SCHIP1: variants seen among roughly 807,000 people sequenced by gnomAD.
SCHIP1 encodes schwannomin-interacting protein 1.
In SCHIP1, 8 loss-of-function variants were observed where a neutral mutation model predicts 29.7. That is an observed-to-expected ratio of 0.27 (90% CI 0.16 to 0.49). The LOEUF is 0.49. Among genes scored for constraint, SCHIP1 ranks in the 20% least tolerant of loss-of-function variants. The probability of loss-of-function intolerance (pLI) is 0.99; values close to 1 mark genes in which losing one functional copy is unlikely to be tolerated. For synonymous variants in SCHIP1, 76 were observed against 94.9 expected (o/e 0.80, Z 1.16); for missense variants, 193 against 294.6 (o/e 0.66, Z 2.52).
chr3:159,828,381 A>ATATATATATG, the SCHIP1 span, among the ~76,000 whole-genome samples: 1 of 79,932 alleles, frequency 1.3e-5, no homozygotes, highest in African/African-American at 4.1e-5. Context: ...ATATACATAT[A>ATATATATATG]TATATACATA....
chr3:159,539,942 G>A, the SCHIP1 span, among the ~76,000 whole-genome samples: 2 of 152,006 alleles, frequency 1.3e-5, no homozygotes, highest in African/African-American at 2.4e-5. Flanking sequence ...AGAGACATGA[G>A]AATTTCTTTA....
the SCHIP1 span, among the ~76,000 whole-genome samples, chr3:159,337,280 C>G: frequency 6.6e-6 from 1 of 152,070 alleles, no homozygotes; most frequent in Non-Finnish European, 1.5e-5. Context: ...CCTTTGAAAA[C>G]TGGCACAAGA....
chr3:159,312,565 A>T, the SCHIP1 span, among the ~76,000 whole-genome samples: 1 of 152,134 alleles, frequency 6.6e-6, no homozygotes, highest in African/African-American at 2.4e-5. Flanking sequence ...CCATGTTCTG[A>T]CTGTCTACTC....
the SCHIP1 span, among the ~76,000 whole-genome samples, chr3:159,796,788 G>C: frequency 1.3e-5 from 2 of 152,152 alleles, no homozygotes; most frequent in Non-Finnish European, 2.9e-5. Flanking sequence ...CCCTTGGAGA[G>C]TATCAAGGCA....
At chr3:159,823,161 G>A in the SCHIP1 span, among the ~76,000 whole-genome samples, 4 of 152,148 alleles carry the variant, frequency 2.6e-5, no homozygotes, top group African/African-American at 9.7e-5. Flanking sequence ...ATTGGAGTAA[G>A]AAGTACCTTG....
chr3:159,615,178 C>G, the SCHIP1 span, among the ~76,000 whole-genome samples: 8 of 152,134 alleles, frequency 5.3e-5, no homozygotes, highest in Admixed American at 3.9e-4. Context: ...TATCTAGACC[C>G]AAAACCACAG....
the SCHIP1 span, among the ~76,000 whole-genome samples, chr3:159,767,209 A>T: frequency 1.3e-5 from 2 of 152,258 alleles, no homozygotes; most frequent in Non-Finnish European, 2.9e-5. Flanking sequence ...TTTTTCAAAC[A>T]GTAAGTTTCC....
At chr3:159,744,401 C>A in the SCHIP1 span, among the ~76,000 whole-genome samples, 17 of 152,322 alleles carry the variant, frequency 1.1e-4, no homozygotes, top group East Asian at 3.3e-3. Context: ...CAGACAGAAT[C>A]AATCTCTTTC....
chr3:159,843,158 G>A (rs1467469556), intron 1 of SCHIP1, among the ~76,000 whole-genome samples: 3 of 150,600 alleles, frequency 2.0e-5, no homozygotes, highest in South Asian at 4.3e-4. Context: ...GATTACAGGC[G>A]CCCGCCACCA....
the SCHIP1 span, among the ~76,000 whole-genome samples, chr3:159,361,536 G>C: frequency 6.6e-6 from 1 of 152,206 alleles, no homozygotes; most frequent in Admixed American, 6.5e-5. Context: ...CTCTTGCTCT[G>C]AGGGAAATTG....
the SCHIP1 span, among the ~76,000 whole-genome samples, chr3:159,374,226 A>G: frequency 6.6e-6 from 1 of 152,272 alleles, no homozygotes; most frequent in East Asian, 1.9e-4. Flanking sequence ...AAGTATTTAG[A>G]CATAGGGTAG....
At chr3:159,658,897 G>A in the SCHIP1 span, among the ~76,000 whole-genome samples, 15 of 152,032 alleles carry the variant, frequency 9.9e-5, no homozygotes, top group African/African-American at 2.9e-4. Context: ...CAAAAACCTC[G>A]GAGTCATTCT....
At chr3:159,587,499 T>G in the SCHIP1 span, among the ~76,000 whole-genome samples, 12 of 152,226 alleles carry the variant, frequency 7.9e-5, no homozygotes, top group Admixed American at 7.2e-4. Flanking sequence ...CTTTAAGTTC[T>G]AGGGTACACG....
At chr3:159,483,952 T>TA in the SCHIP1 span, among the ~76,000 whole-genome samples, 13 of 152,210 alleles carry the variant, frequency 8.5e-5, no homozygotes, top group African/African-American at 3.1e-4. Flanking sequence ...GTAGTGAATT[T>TA]AAAAAAACAA....
At chr3:159,512,152 G>GAGGGAAAGAAGGAA in the SCHIP1 span, among the ~76,000 whole-genome samples, 1 of 152,142 alleles carries the variant, frequency 6.6e-6, no homozygotes, top group Non-Finnish European at 1.5e-5. Context: ...GGGAGACAGA[G>GAGGGAAAGAAGGAA]AGGGAAAGAA....
chr3:159,627,376 A>T, the SCHIP1 span, among the ~76,000 whole-genome samples: 1 of 152,358 alleles, frequency 6.6e-6, no homozygotes, highest in South Asian at 2.1e-4. Flanking sequence ...CCAGGCAGAG[A>T]AAAGACAGGA....
chr3:159,650,117 G>A, the SCHIP1 span, among the ~76,000 whole-genome samples: 3 of 152,146 alleles, frequency 2.0e-5, no homozygotes, highest in African/African-American at 7.2e-5. Flanking sequence ...AAGGGACTTT[G>A]AGAGATCATC....
At chr3:159,568,950 T>A in the SCHIP1 span, among the ~76,000 whole-genome samples, 1 of 152,200 alleles carries the variant, frequency 6.6e-6, no homozygotes, top group Non-Finnish European at 1.5e-5. Context: ...GACTTTATTA[T>A]GGAGGTAGAG....
the SCHIP1 span, among the ~76,000 whole-genome samples, chr3:159,626,220 ATATATATATC>A: frequency 8.9e-3 from 1,078 of 120,476 alleles, 80 homozygotes; most frequent in African/African-American, 0.052. Context: ...ATATCTAGAT[ATATATATATC>A]TAGATATATC....
Sources: gnomAD v4.1 joint callset for allele counts (sites outside exome capture counted in the v4.1 genomes callset) on GRCh38, gnomAD v4.1.1 for gene constraint, MANE v1.5 for transcripts, NCBI Gene and HGNC (gene_info 2026-07-23, HGNC 2026-07-21) for gene names.